Variants in FLII observed in about 807,000 individuals in gnomAD.
FLII encodes the protein FLII actin remodeling protein.
In FLII, 101 loss-of-function variants were observed where a neutral mutation model predicts 156.2. The observed-to-expected ratio is 0.65, with a 90% CI of 0.55 to 0.76. The LOEUF (loss-of-function observed/expected upper bound fraction) is 0.76. Ranked by LOEUF, FLII falls within the 30% of genes least tolerant of loss-of-function variation. The pLI is 0.00. For missense variants in FLII, 1,675 were observed against 1,682.8 expected (o/e 1.00, Z 0.08); for synonymous variants, 767 against 685.8 (o/e 1.12, Z -1.85).
At chr17:18,254,012 T>C (rs2048345161) in intron 7 of FLII, 67 bp downstream of exon 7, 1 of 1,264,872 alleles carries the variant, frequency 7.9e-7, no homozygotes, top group Non-Finnish European at 1.1e-6. Context: ...TTCAACCCCT[T>C]CCACCCAAGG....
rs774605767 is a variant in FLII at position 18,245,249 on chromosome 17, G to T, written c.3699C>A (p.Ser1233=). The T allele has an allele frequency of 9.9e-6, 16 of 1,613,652 alleles. No individual in the cohort carries two copies. In the South Asian group the frequency reaches 1.5e-4, roughly 16 times the overall value. ...GCCGGCGCGGCCGCTCATGTTCCTT[G>T]GACCGCATGTGCTGGATATATACCT... ...ACQVYIQHMR[S]KEHERPRRLR... is the part of the protein sequence containing the mutation. The change falls in exon 30 of 30, where the codon TCC becomes TCA. Residue 1233 remains serine (S), a synonymous_variant. Coordinates refer to ENST00000327031, the MANE Select transcript of FLII (RefSeq NM_002018.4).
intron 20 of FLII, 132 bp downstream of exon 20, chr17:18,247,525 G>T: frequency 9.4e-7 from 1 of 1,063,776 alleles, no homozygotes; most frequent in Non-Finnish European, 1.3e-6. Flanking sequence ...GAGGGGGCGG[G>T]GCCTGGGCAG....
chr17:18,247,480 G>C, intron 20 of FLII, 123 bp from the exon 21 acceptor site: 1 of 1,102,238 alleles, frequency 9.1e-7, no homozygotes, highest in Non-Finnish European at 1.3e-6. Context: ...GCGGGGCCTC[G>C]GACACGGAGG....
chr17:18,245,776 A>T lies in FLII; in HGVS notation c.3471T>A (p.Asp1157Glu). The change falls in exon 27 of 30, where the codon GAT becomes GAA. Residue 1157 changes from aspartate (D) to glutamate (E), a missense_variant. By Grantham distance (45) the Asp-to-Glu change is conservative. Coordinates refer to ENST00000327031, the MANE Select transcript of FLII (RefSeq NM_002018.4). ...GIGAQKPYDD[D>E]AEYMKHTRLF... ...GACGTGTGTGTTTCATGTACTCGGC[A>T]TCGTCATCATAGGGCTTCTGTGCCC... 6.2e-7 allele frequency: 1 copy of T among 1,613,988 alleles called. No homozygotes were observed. The highest frequency in any genetic ancestry group is 1.7e-5 in the Admixed American group (1 of 60,020).
At chr17:18,246,509 C>A in intron 23 of FLII, 47 bp from the exon 24 acceptor site, 1 of 1,612,516 alleles carries the variant, frequency 6.2e-7, no homozygotes, top group East Asian at 2.2e-5. Context: ...CCCCCACCTG[C>A]CCCTCGGGAG....
chr17:18,245,032 G>T lies in FLII; in HGVS notation c.*106C>A. 2 of 1,272,352 alleles carry T rather than the reference G, an allele frequency of 1.6e-6. No homozygotes were observed. The highest frequency in any genetic ancestry group is 2.2e-6 in the Non-Finnish European group (2 of 908,982). The allele number at this position is 1,272,352 out of a possible 1,614,324, so 78.8% of individuals were successfully genotyped here. On this transcript the variant is annotated 3_prime_UTR_variant, in exon 30 of 30. Transcript: ENST00000327031. ...GAGGCTACTGGGGACTGTGGCACTG[G>T]ACGTGGCTGGAGCAGGTGGTGTCAC...
chr17:18,250,108 G>A (rs1038162505), intron 14 of FLII, among the ~76,000 whole-genome samples: 4 of 152,186 alleles, frequency 2.6e-5, no homozygotes, highest in African/African-American at 4.8e-5. Context: ...GCAACAAAGC[G>A]AGAGTCTGTC....
At chr17:18,256,433 G>C in intron 3 of FLII, 93 bp downstream of exon 3, 1 of 1,014,036 alleles carries the variant, frequency 9.9e-7, no homozygotes, top group Non-Finnish European at 1.5e-6. Flanking sequence ...GGGCAGAAAT[G>C]CTGGCCCAGC....
rs1418813191 is a variant in FLII, at chr17:18,258,458, G to A, written c.63+170C>T. 6.6e-6 allele frequency: 10 copies of A among 1,508,608 alleles called. No homozygotes were observed. Among genetic ancestry groups the A allele is most frequent in the Non-Finnish European group, 8.8e-6 (10 of 1,134,428 alleles). 93.5% of individuals were successfully genotyped at this position (1,508,608 alleles called of 1,614,324 possible). On this transcript the variant is annotated intron_variant, in intron 1 of 29. Coordinates refer to ENST00000327031, the MANE Select transcript of FLII (RefSeq NM_002018.4). This position sits in a 1 kb window ranked among gnomAD's most constrained non-coding sequence, Gnocchi z 4.2. ...CGGTCTCCCCGTACAGGCACTGGGC[G>A]GAGGCCTCGGAGGTCCATTCCTGGC...
Position 18,248,580 on chromosome 17 carries a change from G to A in FLII, c.2160C>T (p.Asp720=). 1 of 1,612,532 alleles carries A rather than the reference G, an allele frequency of 6.2e-7. No homozygotes were observed. The highest frequency in any genetic ancestry group is 8.5e-7 in the Non-Finnish European group (1 of 1,179,444). Residue 720 remains aspartate, a synonymous_variant, in exon 18 of 30, where the codon GAC becomes GAT. Coordinates refer to ENST00000327031, the MANE Select transcript of FLII (RefSeq NM_002018.4). ...ACAGCTTGGGCTGCGGCGGCCAGAA[G>A]TCTTCAGGCACGTGCTTCTTGATCT... is the stretch of plus-strand genomic sequence containing the variant. ...PSEIKKHVPE[D]FWPPQPKLYK...
At chr17:18,247,597 G>C (rs1420841737) in intron 20 of FLII, 60 bp downstream of exon 20, 3 of 1,430,090 alleles carry the variant, frequency 2.1e-6, no homozygotes, top group Non-Finnish European at 2.8e-6. Context: ...AGCCACAGGG[G>C]TCAGGGCATG....
At chr17:18,256,078 G>A (rs972954790) in intron 3 of FLII, among the ~76,000 whole-genome samples, 1 of 152,234 alleles carries the variant, frequency 6.6e-6, no homozygotes, top group Admixed American at 6.5e-5. Context: ...GAAGGTACAC[G>A]GTGCTCCCGG....
chr17:18,247,765 C>T lies in FLII; in HGVS notation c.2379G>A (p.Pro793=), dbSNP rs1333322113. 6 of 1,608,674 alleles carry T rather than the reference C, an allele frequency of 3.7e-6. No homozygotes were observed. Among genetic ancestry groups the T allele is most frequent in the African/African-American group, 1.3e-5 (1 of 74,934 alleles). The change falls in exon 20 of 30, where the codon CCG becomes CCA. Residue 793 remains proline, a synonymous_variant. Coordinates refer to ENST00000327031, the MANE Select transcript of FLII (RefSeq NM_002018.4). ...TGAGGGCGGCAGCGCGCACCAGGCGCGGGGACTTGCGGCCGAGCCAGATGA... is the reference window on the plus strand; with the variant it reads ...TGAGGGCGGCAGCGCGCACCAGGCGTGGGGACTTGCGGCCGAGCCAGATGA... ...DVFIWLGRKS[P]RLVRAAALKL...
chr17:18,251,797 G>T lies in FLII; in HGVS notation c.1266C>A (p.Asp422Glu), dbSNP rs753099482. The stretch of plus-strand genomic sequence containing the variant: ...GCAGTCGCATCTTGCGAGCCATAGG[G>T]TCCTTGGGCCCACTCCCTGCTTAGG... ...AAAAAGSGPKDPMARKMRLRR... is the reference protein window; with the variant it reads ...AAAAAGSGPKEPMARKMRLRR... The change falls in exon 12 of 30, where the codon GAC becomes GAA. Residue 422 changes from aspartate (D) to glutamate (E), a missense_variant. Around this residue, in one of 2 missense-constraint regions of FLII, gnomAD observed 1,332 missense variants for 1,269.3 expected, o/e 1.05. Coordinates refer to ENST00000327031, the MANE Select transcript of FLII (RefSeq NM_002018.4). The T allele has an allele frequency of 1.9e-5, 30 of 1,613,730 alleles. No individual in the cohort carries two copies. The highest frequency in any genetic ancestry group is 2.5e-5 in the Non-Finnish European group (29 of 1,180,050).
At position 18,246,794 on chromosome 17, in the gene FLII, T is replaced by C. The variant is rs752614270; in HGVS notation, c.2851A>G (p.Lys951Glu). ...WVPVEYEEEEKKEDKEEKAEG... is the reference protein window; with the variant it reads ...WVPVEYEEEEEKEDKEEKAEG... ...GCCTTCTCCTCCTTGTCTTCCTTCTTTTCCTCCTCCTCGTACTCCACAGGC... is the reference window on the plus strand; with the variant it reads ...GCCTTCTCCTCCTTGTCTTCCTTCTCTTCCTCCTCCTCGTACTCCACAGGC... Residue 951 changes from lysine to glutamate, a missense_variant, in exon 23 of 30, where the codon AAG becomes GAG. This residue lies in a region of FLII where 1,332 missense variants were observed against 1,269.3 expected (regional missense o/e 1.05). Transcript: ENST00000327031. 8.1e-5 allele frequency: 130 copies of C among 1,613,904 alleles called. No individual in the cohort carries two copies. The highest frequency in any genetic ancestry group is 1.1e-4 in the Non-Finnish European group (124 of 1,179,976).
rs753097687 is a variant in FLII at position 18,249,208 on chromosome 17, G to T, written c.1860-7C>A. 6.2e-7 allele frequency: 1 copy of T among 1,614,108 alleles called. No homozygotes were observed. Among genetic ancestry groups the T allele is most frequent in the East Asian group, 2.2e-5 (1 of 44,874 alleles). ...CCCATACACACGATACATCCTGGGCGCAGGGCAAGAGTGGCTCAGTGTAGG... is the reference window on the plus strand; with the variant it reads ...CCCATACACACGATACATCCTGGGCTCAGGGCAAGAGTGGCTCAGTGTAGG... On this transcript the variant is annotated splice_polypyrimidine_tract_variant and splice_region_variant and intron_variant, in intron 15 of 29. Transcript: ENST00000327031.
rs748790425 is a variant in FLII, at chr17:18,247,337, C to A, written c.2508G>T (p.Lys836Asn). ...CCACCGTCAACACATCGTCCCAATTCTTGAACTTGGCCTTGAACACCTGCC... is the reference window on the plus strand; with the variant it reads ...CCACCGTCAACACATCGTCCCAATTATTGAACTTGGCCTTGAACACCTGCC... ...TEAQVFKAKF[K>N]NWDDVLTVDY... is the part of the protein sequence containing the mutation. The change falls in exon 21 of 30, where the codon AAG (lysine) becomes AAT (asparagine). Residue 836 changes from lysine (K) to asparagine (N), a missense_variant. Around this residue, in one of 2 missense-constraint regions of FLII, gnomAD observed 1,332 missense variants for 1,269.3 expected, o/e 1.05. Transcript: ENST00000327031. 6.2e-7 allele frequency: 1 copy of A among 1,605,666 alleles called. No individual in the cohort carries two copies. The highest frequency in any genetic ancestry group is 1.1e-5 in the South Asian group (1 of 90,658).
At position 18,253,572 on chromosome 17, in the gene FLII, A is replaced by G; in HGVS notation, c.827T>C (p.Leu276Pro). Residue 276 changes from leucine (L) to proline (P), a missense_variant, in exon 8 of 30, where the codon CTG (leucine) becomes CCG (proline). By Grantham distance (98) the Leu-to-Pro change is moderately conservative. Transcript: ENST00000327031. Reference protein sequence around the residue: ...DQWVHVETLNLSRNQLTSLPS... With the variant: ...DQWVHVETLNPSRNQLTSLPS... ...CAGTGAGGTGAGCTGATTTCGGGACAGGTTCAGAGTTTCCACGTGCACCCA... is the reference window on the plus strand; with the variant it reads ...CAGTGAGGTGAGCTGATTTCGGGACGGGTTCAGAGTTTCCACGTGCACCCA... 3 of 1,613,364 alleles carry G rather than the reference A, an allele frequency of 1.9e-6. No individual in the cohort carries two copies. The highest frequency in any genetic ancestry group is 2.5e-6 in the Non-Finnish European group (3 of 1,179,418).
Position 18,254,569 on chromosome 17 carries a change from A to G in FLII, c.527T>C (p.Leu176Pro), listed in dbSNP as rs1334322689. 6.2e-7 allele frequency: 1 copy of G among 1,613,602 alleles called. No individual in the cohort carries two copies. The highest frequency in any genetic ancestry group is 1.1e-5 in the South Asian group (1 of 91,064). ...GTTTCCATTGAGCACGAGCGTCTGCAGGTGCACCAGGCGGCGCATCTGCGG... is the reference window on the plus strand; with the variant it reads ...GTTTCCATTGAGCACGAGCGTCTGCGGGTGCACCAGGCGGCGCATCTGCGG... ...LPPQMRRLVH[L>P]QTLVLNGNPL... The change falls in exon 6 of 30, where the codon CTG becomes CCG. Residue 176 changes from leucine (L) to proline (P), a missense_variant. Coordinates refer to ENST00000327031, the MANE Select transcript of FLII (RefSeq NM_002018.4).
Sources: gnomAD v4.1 joint callset for allele counts (sites outside exome capture counted in the v4.1 genomes callset) on GRCh38, gnomAD v4.1.1 for gene constraint, gnomAD v4.1.1 regional missense constraint, Gnocchi (gnomAD v3.1) non-coding constraint, MANE v1.5 for transcripts, NCBI Gene and HGNC (gene_info 2026-07-23, HGNC 2026-07-21) for gene names.